The following THSD4 variants were observed in gnomAD, a reference collection of about 807,000 sequenced individuals.
The protein encoded by THSD4 is thrombospondin type-1 domain-containing protein 4.
In THSD4, 69 loss-of-function variants were observed where a neutral mutation model predicts 119.0. The ratio of observed to expected loss-of-function variants is 0.58; its 90% confidence interval spans 0.48 to 0.71. The LOEUF (loss-of-function observed/expected upper bound fraction) is 0.71, where lower values mean the gene tolerates loss of function less well. THSD4 is among the 30% of genes least tolerant of loss of function. The pLI is 0.00. For missense variants in THSD4, 1,393 were observed against 1,391.1 expected, an observed-to-expected ratio of 1.00 and a Z score of -0.02; for synonymous variants, 524 against 540.4, an observed-to-expected ratio of 0.97 and a Z score of 0.42.
intron 6 of THSD4, among the ~76,000 whole-genome samples, chr15:71,334,690 G>A (rs2045469745): frequency 1.3e-5 from 2 of 152,152 alleles, no homozygotes; most frequent in Admixed American, 6.5e-5. Flanking sequence ...TCTGACCCAA[G>A]CCTAGGAGAA....
intron 7 of THSD4, among the ~76,000 whole-genome samples, chr15:71,529,388 T>A (rs1475303254): frequency 3.9e-5 from 6 of 152,236 alleles, no homozygotes; most frequent in African/African-American, 1.4e-4. Context: ...TTCTGAACAT[T>A]TTCTATGTTG....
chr15:71,122,677 G>C (rs1414595575), intron 1 of THSD4, among the ~76,000 whole-genome samples: 1 of 152,110 alleles, frequency 6.6e-6, no homozygotes, highest in Non-Finnish European at 1.5e-5. Context: ...ACCTAAGCAG[G>C]GTTCCCATTT....
At chr15:71,313,961 A>G (rs923872118) in intron 6 of THSD4, among the ~76,000 whole-genome samples, 1 of 152,198 alleles carries the variant, frequency 6.6e-6, no homozygotes, top group Non-Finnish European at 1.5e-5. Flanking sequence ...ATTAGTTCCA[A>G]TGCTCTGATA....
At chr15:71,533,880 T>C (rs1288980271) in intron 7 of THSD4, among the ~76,000 whole-genome samples, 2 of 152,166 alleles carry the variant, frequency 1.3e-5, no homozygotes, top group African/African-American at 4.8e-5. Context: ...TAGTAATGCA[T>C]ATATTTTGAA....
At chr15:71,345,769 A>G (rs1468735465) in intron 6 of THSD4, among the ~76,000 whole-genome samples, 1 of 149,812 alleles carries the variant, frequency 6.7e-6, no homozygotes, top group African/African-American at 2.4e-5. Context: ...CTTCGCCAGA[A>G]TAAGTGAACA....
At chr15:71,679,749 A>G (rs7172112) in intron 8 of THSD4, among the ~76,000 whole-genome samples, 25,842 of 151,996 alleles carry the variant, frequency 0.17, 2,472 homozygotes, top group East Asian at 0.38. Flanking sequence ...TCGGCTGGAG[A>G]AGAGTTGTGA....
chr15:71,531,333 A>T (rs191992975), intron 7 of THSD4, among the ~76,000 whole-genome samples: 1 of 152,322 alleles, frequency 6.6e-6, no homozygotes. Flanking sequence ...TCTACTCAAG[A>T]TGTGGAAATT....
rs111389138 is a variant in THSD4, at chr15:71,138,877, A to AGTGTGT, written c.-79-2561_-79-2556dup. Among the ~76,000 whole-genome samples the AGTGTGT allele has an allele frequency of 1.8e-3, 263 of 149,814 alleles. 1 individual carries two copies. The highest frequency in any genetic ancestry group is 6.3e-3 in the African/African-American group (258 of 40,876). On this transcript the variant is annotated intron_variant, in intron 1 of 17. Coordinates refer to ENST00000261862, the MANE Select transcript of THSD4 (RefSeq NM_024817.3). Reference sequence around the variant, plus strand: ...TAATTTCTTGGTGTGTGTGTGTGTGAGTGTGTGTGTGTGTGTTTGTGTTCA... The same window carrying AGTGTGT: ...TAATTTCTTGGTGTGTGTGTGTGTGAGTGTGTGTGTGTGTGTGTGTGTTTGTGTTCA...
chr15:71,407,328 G>A (rs1351902880), intron 6 of THSD4, among the ~76,000 whole-genome samples: 1 of 152,118 alleles, frequency 6.6e-6, no homozygotes, highest in Non-Finnish European at 1.5e-5. Context: ...TTGCTGCTTA[G>A]GATCAGCTTT....
At chr15:71,487,210 G>A (rs200443472) in intron 7 of THSD4, among the ~76,000 whole-genome samples, 4 of 152,190 alleles carry the variant, frequency 2.6e-5, no homozygotes, top group South Asian at 4.1e-4. Context: ...TGAATTTAGC[G>A]ATGTGGGATT....
chr15:71,525,320 C>T (rs998192242), intron 7 of THSD4, among the ~76,000 whole-genome samples: 2 of 152,132 alleles, frequency 1.3e-5, no homozygotes, highest in African/African-American at 4.8e-5. Flanking sequence ...CAGGATTTAA[C>T]TTTAAGCATC....
At chr15:71,504,759 C>T (rs1162043296) in intron 7 of THSD4, among the ~76,000 whole-genome samples, 1 of 152,152 alleles carries the variant, frequency 6.6e-6, no homozygotes, top group Non-Finnish European at 1.5e-5. Flanking sequence ...AACCTTGGTA[C>T]GTTACTATTA....
Position 71,757,913 on chromosome 15 carries a change from G to A in THSD4, c.2427G>A (p.Glu809=). The A allele has an allele frequency of 1.1e-5, 18 of 1,613,638 alleles. No individual in the cohort carries two copies. Among genetic ancestry groups the A allele is most frequent in the Non-Finnish European group, 1.5e-5 (18 of 1,180,016 alleles). Residue 809 remains glutamate, a synonymous_variant, in exon 15 of 18, where the codon GAG becomes GAA. Coordinates refer to ENST00000261862, the MANE Select transcript of THSD4 (RefSeq NM_024817.3). The stretch of plus-strand genomic sequence containing the variant: ...CCCCTGTCTCACAGTGCTCAGCGGA[G>A]TGTGGGGCCGGAGTGCGGACACGCT... The part of the protein sequence containing the change: ...LTEWSERCSA[E]CGAGVRTRSV...
At chr15:71,485,342 C>G (rs1328348678) in intron 7 of THSD4, among the ~76,000 whole-genome samples, 1 of 152,200 alleles carries the variant, frequency 6.6e-6, no homozygotes, top group African/African-American at 2.4e-5. Context: ...ATCTCCATCC[C>G]TAGGCTGAGA....
chr15:71,738,510 A>G (rs144612366), intron 11 of THSD4, among the ~76,000 whole-genome samples: 15 of 152,336 alleles, frequency 9.8e-5, no homozygotes, highest in African/African-American at 2.9e-4. Context: ...TACGAGACCC[A>G]GAAGAGCTGT....
At chr15:71,137,090 C>T (rs1321855906) in intron 1 of THSD4, among the ~76,000 whole-genome samples, 1 of 152,160 alleles carries the variant, frequency 6.6e-6, no homozygotes, top group Admixed American at 6.5e-5. Flanking sequence ...GTGGGGCCTC[C>T]ATCTCCCAAG....
At chr15:71,693,023 G>A (rs2052087120) in intron 8 of THSD4, among the ~76,000 whole-genome samples, 1 of 152,010 alleles carries the variant, frequency 6.6e-6, no homozygotes, top group Non-Finnish European at 1.5e-5. Flanking sequence ...AGATAAAAAG[G>A]TCTCAAATTT....
intron 6 of THSD4, among the ~76,000 whole-genome samples, chr15:71,299,943 T>A (rs1387542881): frequency 7.8e-6 from 1 of 128,074 alleles, no homozygotes; most frequent in African/African-American, 3.0e-5. Context: ...GGCATCATAA[T>A]GAGACCCTGT....
Position 71,270,819 on chromosome 15 carries a change from G to GTGGTAAGTGAGTA in THSD4, c.1015+14105_1015+14106insGGTAAGTGAGTAT. On this transcript the variant is annotated intron_variant, in intron 6 of 17. Transcript: ENST00000261862. ...ACTGGAAGGGAATTAGAGTGGTCAG[G>GTGGTAAGTGAGTA]TAGCCATCTCTCTTTTTTTTTTTTT... is the stretch of plus-strand genomic sequence containing the variant. Among the ~76,000 whole-genome samples the GTGGTAAGTGAGTA allele has an allele frequency of 2.0e-5, 3 of 150,872 alleles. No homozygotes were observed. In the Middle Eastern group the frequency reaches 0.01, roughly 513 times the overall value.
Sources: gnomAD v4.1 joint callset for allele counts (sites outside exome capture counted in the v4.1 genomes callset) on GRCh38, gnomAD v4.1.1 for gene constraint, MANE v1.5 for transcripts, NCBI Gene and HGNC (gene_info 2026-07-23, HGNC 2026-07-21) for gene names.